EFNA5: variants seen among roughly 807,000 people sequenced by gnomAD.
The protein encoded by EFNA5 is ephrin-A5.
Under a neutral mutation model 22.9 loss-of-function variants are expected in EFNA5, and 5 were observed. The observed-to-expected ratio is 0.22, with a 90% CI of 0.11 to 0.46. The LOEUF (loss-of-function observed/expected upper bound fraction) is 0.46, where lower values mean the gene tolerates loss of function less well. Among genes scored for constraint, EFNA5 ranks in the 20% least tolerant of loss-of-function variants. EFNA5 has a pLI of 0.99. For missense variants in EFNA5, 237 were observed against 293.3 expected (o/e 0.81, Z 1.40); for synonymous variants, 113 against 112.2 (o/e 1.01, Z -0.04).
chr5:107,478,395 C>G (rs373467465), intron 1 of EFNA5, among the ~76,000 whole-genome samples: 1 of 152,172 alleles, frequency 6.6e-6, no homozygotes, highest in Non-Finnish European at 1.5e-5. Flanking sequence ...CAAATACTGC[C>G]CCTACTCCGG....
At chr5:107,496,237 C>T (rs749600511) in intron 1 of EFNA5, among the ~76,000 whole-genome samples, 28 of 145,214 alleles carry the variant, frequency 1.9e-4, no homozygotes, top group Non-Finnish European at 3.7e-4. Flanking sequence ...CCCAGCTACT[C>T]GGAAAACAGA....
At chr5:107,670,442 G>T (rs1381275109) in intron 1 of EFNA5, 47 bp downstream of exon 1, 18 of 1,525,534 alleles carry the variant, frequency 1.2e-5, no homozygotes, top group Non-Finnish European at 1.5e-5. Flanking sequence ...CTTCCGCAGG[G>T]CCCCGAGGCC....
At chr5:107,664,056 A>T (rs1399020861) in intron 1 of EFNA5, among the ~76,000 whole-genome samples, 1 of 152,156 alleles carries the variant, frequency 6.6e-6, no homozygotes, top group Admixed American at 6.5e-5. Context: ...TCAATATTTT[A>T]AAATAATGTT....
At chr5:107,389,157 C>G (rs1747719007) in intron 2 of EFNA5, among the ~76,000 whole-genome samples, 1 of 152,200 alleles carries the variant, frequency 6.6e-6, no homozygotes, top group Non-Finnish European at 1.5e-5. Context: ...CCCCTGGTTG[C>G]TCTGACAAGC....
intron 1 of EFNA5, among the ~76,000 whole-genome samples, chr5:107,509,091 T>C (rs1399284349): frequency 2.0e-5 from 3 of 152,244 alleles, no homozygotes; most frequent in African/African-American, 7.2e-5. Flanking sequence ...GGCTTCGCTC[T>C]TGAGTTAATC....
At chr5:107,399,301 G>C (rs897728798) in intron 2 of EFNA5, among the ~76,000 whole-genome samples, 8 of 107,018 alleles carry the variant, frequency 7.5e-5, no homozygotes, top group African/African-American at 3.1e-4. Flanking sequence ...AAAGAAGGAA[G>C]GAAGGAAGGA....
intron 1 of EFNA5, among the ~76,000 whole-genome samples, chr5:107,488,601 T>C (rs1406522497): frequency 6.6e-6 from 1 of 152,216 alleles, no homozygotes; most frequent in Non-Finnish European, 1.5e-5. Flanking sequence ...ATTCAGAAGC[T>C]ATACCTGGTT....
At chr5:107,620,800 T>C (rs1750017606) in intron 1 of EFNA5, among the ~76,000 whole-genome samples, 1 of 152,142 alleles carries the variant, frequency 6.6e-6, no homozygotes, top group Admixed American at 6.5e-5. Context: ...ATAATTACAA[T>C]ATAAAATAAG....
intron 1 of EFNA5, among the ~76,000 whole-genome samples, chr5:107,552,365 A>G (rs1748318762): frequency 6.6e-6 from 1 of 152,190 alleles, no homozygotes; most frequent in Admixed American, 6.5e-5. Context: ...CATGCTCACT[A>G]TGTATTAACT....
chr5:107,377,051 T>A lies in EFNA5; in HGVS notation c.*4204A>T, dbSNP rs1389178403. ...GTCAGCATTTCAAAACAGCACTCGA[T>A]GAGTAAGTGCAAAGGAACTGCAAAG... is the stretch of plus-strand genomic sequence containing the variant. On this transcript the variant is annotated 3_prime_UTR_variant, in exon 5 of 5. Transcript: ENST00000333274. The A allele has an allele frequency of 6.6e-6, 1 of 151,812 alleles. No homozygotes were observed. Among genetic ancestry groups the A allele is most frequent in the African/African-American group, 2.4e-5 (1 of 41,342 alleles). 9.4% of individuals were successfully genotyped at this position (151,812 alleles called of 1,614,324 possible).
intron 1 of EFNA5, among the ~76,000 whole-genome samples, chr5:107,507,702 G>A (rs982300565): frequency 6.6e-6 from 1 of 152,136 alleles, no homozygotes; most frequent in African/African-American, 2.4e-5. Context: ...AGCTGGGCAT[G>A]GTAGCGCAGC....
chr5:107,579,682 T>A (rs974724290), intron 1 of EFNA5, among the ~76,000 whole-genome samples: 1 of 152,188 alleles, frequency 6.6e-6, no homozygotes, highest in Non-Finnish European at 1.5e-5. Flanking sequence ...CTTGATAATT[T>A]CAGTTCAAAA....
intron 2 of EFNA5, among the ~76,000 whole-genome samples, chr5:107,420,537 A>AG (rs1167959874): frequency 0.013 from 1,365 of 107,064 alleles, 11 homozygotes; most frequent in Non-Finnish European, 0.02. Context: ...AAAAAAAAAA[A>AG]AAAGAAAAAA....
chr5:107,413,451 A>G (rs796285085), intron 2 of EFNA5, among the ~76,000 whole-genome samples: 9 of 152,300 alleles, frequency 5.9e-5, no homozygotes, highest in African/African-American at 2.2e-4. Context: ...AAAGGCACAG[A>G]CAATGGGCAC....
intron 1 of EFNA5, among the ~76,000 whole-genome samples, chr5:107,573,656 C>T (rs1748861815): frequency 1.3e-5 from 2 of 152,100 alleles, no homozygotes; most frequent in African/African-American, 4.8e-5. Context: ...TTAGCTTGCA[C>T]TATGGATGTC....
At chr5:107,669,191 C>G (rs1751133337) in intron 1 of EFNA5, among the ~76,000 whole-genome samples, 1 of 151,912 alleles carries the variant, frequency 6.6e-6, no homozygotes, top group Non-Finnish European at 1.5e-5. Context: ...GGAGAGGGCC[C>G]GCAGGAGATA....
intron 1 of EFNA5, among the ~76,000 whole-genome samples, chr5:107,650,546 G>A (rs1750708339): frequency 1.3e-5 from 2 of 152,132 alleles, no homozygotes; most frequent in Admixed American, 6.5e-5. Flanking sequence ...GCTTAAAAAT[G>A]ATTATTTCTT....
In EFNA5 at chr5:107,670,796, G is replaced by A. The variant is rs1751183723; in HGVS notation, c.-183C>T. ...CCAAGCTGGGGAGGGGTAGGAGAGC[G>A]AGAAGAAAAGAAGGCGGTGGGATGG... is the stretch of plus-strand genomic sequence containing the variant. On this transcript the variant is annotated 5_prime_UTR_variant, in exon 1 of 5. Transcript: ENST00000333274. 3 of 753,470 alleles carry A rather than the reference G, an allele frequency of 4.0e-6. No individual in the cohort carries two copies. Among genetic ancestry groups the A allele is most frequent in the East Asian group, 2.8e-5 (1 of 36,048 alleles). 46.7% of individuals were successfully genotyped at this position (753,470 alleles called of 1,614,324 possible).
At chr5:107,640,838 C>A (rs1267339818) in intron 1 of EFNA5, among the ~76,000 whole-genome samples, 6 of 152,178 alleles carry the variant, frequency 3.9e-5, no homozygotes, top group Admixed American at 3.3e-4. Flanking sequence ...CAATCACAAA[C>A]AACCTGGGTG....
Sources: allele counts gnomAD v4.1 joint callset (sites outside exome capture counted in the v4.1 genomes callset), GRCh38; gene constraint gnomAD v4.1.1; transcripts MANE v1.5; gene names NCBI Gene and HGNC (gene_info 2026-07-23, HGNC 2026-07-21).